The following TOP6BL variants were observed in gnomAD, a reference collection of about 807,000 sequenced individuals.
TOP6BL encodes TOP6B like initiator of meiotic double strand breaks.
chr11:66,822,091 T>G, the TOP6BL span, among the ~76,000 whole-genome samples: 2 of 152,222 alleles, frequency 1.3e-5, no homozygotes, highest in African/African-American at 4.8e-5. Flanking sequence ...AGCTGCTGTT[T>G]CGCTGTGTCT....
At chr11:66,843,203 C>CA in the TOP6BL span, 7 of 1,610,896 alleles carry the variant, frequency 4.3e-6, no homozygotes, top group South Asian at 1.1e-5. Context: ...TCCAACCTGT[C>CA]AGAGTGGCTG....
chr11:66,754,061 G>C, the TOP6BL span, among the ~76,000 whole-genome samples: 1 of 152,208 alleles, frequency 6.6e-6, no homozygotes, highest in Non-Finnish European at 1.5e-5. Flanking sequence ...ACTGAAAAAC[G>C]TAGTCAGATT....
At chr11:66,787,216 G>T in the TOP6BL span, among the ~76,000 whole-genome samples, 1 of 151,904 alleles carries the variant, frequency 6.6e-6, no homozygotes, top group Non-Finnish European at 1.5e-5. Context: ...TTACAGACGT[G>T]AGCCACCGTG....
the TOP6BL span, among the ~76,000 whole-genome samples, chr11:66,770,240 T>C: frequency 1.3e-5 from 2 of 152,184 alleles, no homozygotes; most frequent in African/African-American, 4.8e-5. Context: ...GCCTTCAGAA[T>C]TGTGAGAAAT....
At chr11:66,803,291 T>A in the TOP6BL span, among the ~76,000 whole-genome samples, 1 of 152,114 alleles carries the variant, frequency 6.6e-6, no homozygotes, top group Non-Finnish European at 1.5e-5. Flanking sequence ...TACTTGAGAA[T>A]AAGAAACAGG....
At chr11:66,837,006 AAATT>A in the TOP6BL span, among the ~76,000 whole-genome samples, 1 of 151,926 alleles carries the variant, frequency 6.6e-6, no homozygotes, top group Non-Finnish European at 1.5e-5. Context: ...GCCTATAAAT[AAATT>A]TTAAAAAGAG....
chr11:66,800,872 G>GA, the TOP6BL span, among the ~76,000 whole-genome samples: 30 of 152,322 alleles, frequency 2.0e-4, no homozygotes, highest in East Asian at 3.3e-3. Context: ...CCTGTCTCTA[G>GA]AGGGGGTAAA....
chr11:66,810,358 T>A, the TOP6BL span, among the ~76,000 whole-genome samples: 1 of 152,212 alleles, frequency 6.6e-6, no homozygotes, highest in Non-Finnish European at 1.5e-5. Context: ...AGATACAAAA[T>A]ACTTTTGTCC....
chr11:66,790,887 CTG>C, the TOP6BL span, among the ~76,000 whole-genome samples: 1 of 152,118 alleles, frequency 6.6e-6, no homozygotes, highest in Admixed American at 6.6e-5. Flanking sequence ...CAGAGGAAAA[CTG>C]TGAGCTTAGT....
the TOP6BL span, among the ~76,000 whole-genome samples, chr11:66,825,468 G>A: frequency 6.6e-6 from 1 of 150,954 alleles, no homozygotes; most frequent in South Asian, 2.1e-4. Context: ...TCTAGCCTGG[G>A]TGACAAGTGC....
the TOP6BL span, among the ~76,000 whole-genome samples, chr11:66,834,821 A>G: frequency 6.6e-6 from 1 of 152,184 alleles, no homozygotes; most frequent in Admixed American, 6.5e-5. Flanking sequence ...AACTGGAACT[A>G]CAGGCGTGCA....
the TOP6BL span, among the ~76,000 whole-genome samples, chr11:66,751,381 G>A: frequency 6.6e-6 from 1 of 151,912 alleles, no homozygotes; most frequent in African/African-American, 2.4e-5. Flanking sequence ...TTTTAGTAGA[G>A]ACCAGGTTTC....
chr11:66,832,651 A>G, the TOP6BL span, among the ~76,000 whole-genome samples: 1 of 152,232 alleles, frequency 6.6e-6, no homozygotes, highest in East Asian at 1.9e-4. Context: ...TGCACTTCCC[A>G]GGAACGTGTC....
At chr11:66,828,978 T>G in the TOP6BL span, among the ~76,000 whole-genome samples, 4 of 149,430 alleles carry the variant, frequency 2.7e-5, no homozygotes, top group South Asian at 8.4e-4. Context: ...GTTTTTTGTT[T>G]TTTTTTTTTT....
chr11:66,797,960 C>G, the TOP6BL span, among the ~76,000 whole-genome samples: 1 of 152,208 alleles, frequency 6.6e-6, no homozygotes, highest in South Asian at 2.1e-4. Flanking sequence ...AGTCACTATT[C>G]TAAGTGCTCT....
At chr11:66,784,792 C>A in the TOP6BL span, among the ~76,000 whole-genome samples, 1 of 152,108 alleles carries the variant, frequency 6.6e-6, no homozygotes, top group African/African-American at 2.4e-5. Context: ...GTTGTTTCCA[C>A]TTTTAGCTGT....
chr11:66,836,079 T>C, the TOP6BL span, among the ~76,000 whole-genome samples: 1 of 152,240 alleles, frequency 6.6e-6, no homozygotes, highest in Non-Finnish European at 1.5e-5. Flanking sequence ...ACTGCCATTC[T>C]AGTGCATGTG....
the TOP6BL span, among the ~76,000 whole-genome samples, chr11:66,814,389 G>A: frequency 2.0e-5 from 3 of 152,220 alleles, no homozygotes; most frequent in Admixed American, 2.0e-4. Flanking sequence ...CTTCCGAGTA[G>A]CTGGGATTAC....
the TOP6BL span, among the ~76,000 whole-genome samples, chr11:66,811,721 A>G: frequency 2.4e-3 from 366 of 152,336 alleles, 2 homozygotes; most frequent in African/African-American, 8.3e-3. Context: ...AAAGCCTGGC[A>G]ATCCCTGGTT....
Sources: allele counts gnomAD v4.1 joint callset (sites outside exome capture counted in the v4.1 genomes callset), GRCh38; gene constraint gnomAD v4.1.1; transcripts MANE v1.5; gene names NCBI Gene and HGNC (gene_info 2026-07-23, HGNC 2026-07-21).